GRIN2A: variants seen among roughly 807,000 people sequenced by gnomAD.
The protein encoded by GRIN2A is glutamate receptor ionotropic, NMDA 2A.
GRIN2A carries 22 observed loss-of-function variants against 113.4 expected under a neutral mutation model. The observed-to-expected ratio is 0.19, with a 90% confidence interval of 0.14 to 0.28. The LOEUF (loss-of-function observed/expected upper bound fraction) is 0.28, where lower values mean the gene tolerates loss of function less well. Ranked by LOEUF, GRIN2A falls within the 10% of genes least tolerant of loss-of-function variation. GRIN2A has a pLI of 1.00. For missense variants in GRIN2A, 1,502 were observed against 1,887.0 expected (o/e 0.80, Z 3.78); for synonymous variants, 827 against 738.4 (o/e 1.12, Z -1.94).
intron 11 of GRIN2A, among the ~76,000 whole-genome samples, chr16:9,782,922 G>A (rs1902014641): frequency 2.0e-5 from 3 of 152,110 alleles, no homozygotes; most frequent in Admixed American, 1.3e-4. Flanking sequence ...GTATCATCTG[G>A]TCACAGGCCA....
chr16:10,125,300 T>C (rs1377245084), intron 2 of GRIN2A, among the ~76,000 whole-genome samples: 1 of 152,130 alleles, frequency 6.6e-6, no homozygotes, highest in African/African-American at 2.4e-5. Flanking sequence ...TTCAAACTTT[T>C]TGCATTTATT....
intron 4 of GRIN2A, among the ~76,000 whole-genome samples, chr16:9,876,394 C>T (rs2043366736): frequency 6.6e-6 from 1 of 152,110 alleles, no homozygotes; most frequent in Admixed American, 6.6e-5. Context: ...ACCTGTTTAC[C>T]CCCACATCCG....
At chr16:9,782,088 G>T (rs986670122) in intron 11 of GRIN2A, among the ~76,000 whole-genome samples, 8 of 152,188 alleles carry the variant, frequency 5.3e-5, no homozygotes, top group African/African-American at 1.7e-4. Context: ...TAAAGTAGTA[G>T]ATTGGGGTGA....
chr16:10,039,808 G>GAGAAAGAGA (rs373952509), intron 2 of GRIN2A, among the ~76,000 whole-genome samples: 1 of 63,812 alleles, frequency 1.6e-5, no homozygotes, highest in Non-Finnish European at 2.9e-5. Context: ...GGGAGGGGGG[G>GAGAAAGAGA]GAGAAAGAGA....
At chr16:10,022,330 C>G (rs2046740196) in intron 2 of GRIN2A, among the ~76,000 whole-genome samples, 3 of 151,490 alleles carry the variant, frequency 2.0e-5, no homozygotes, top group Non-Finnish European at 4.4e-5. Context: ...CACACGCACA[C>G]ACGCAAGCAC....
intron 2 of GRIN2A, among the ~76,000 whole-genome samples, chr16:10,104,807 C>T (rs1408867679): frequency 6.6e-6 from 1 of 152,080 alleles, no homozygotes; most frequent in Admixed American, 6.6e-5. Context: ...GGGCCGCAGT[C>T]GACGGCAGGG....
intron 2 of GRIN2A, among the ~76,000 whole-genome samples, chr16:10,103,328 C>T (rs1348514311): frequency 6.6e-6 from 1 of 152,176 alleles, no homozygotes; most frequent in African/African-American, 2.4e-5. Context: ...AGTGGCTCTC[C>T]TTGCACAAGC....
intron 4 of GRIN2A, among the ~76,000 whole-genome samples, chr16:9,873,066 A>C (rs961879291): frequency 1.3e-4 from 20 of 152,064 alleles, no homozygotes; most frequent in African/African-American, 4.8e-4. Context: ...AAAAGAAAGA[A>C]TGAAAGAAAA....
intron 2 of GRIN2A, among the ~76,000 whole-genome samples, chr16:9,963,591 T>C (rs2045487362): frequency 6.6e-6 from 1 of 152,186 alleles, no homozygotes; most frequent in Admixed American, 6.5e-5. Flanking sequence ...ATTGTATATA[T>C]GTGTAAAAAT....
rs184918771 is a variant in GRIN2A, at chr16:10,163,541, T to C, written c.414+16457A>G. On this transcript the variant is annotated intron_variant, in intron 2 of 12. Transcript: ENST00000330684. Reference sequence around the variant, plus strand: ...TGCACTGGTGCAGCAGAACTGGTTATTTAAAGGCTGAAATGCTTCCGTTTT... The same window carrying C: ...TGCACTGGTGCAGCAGAACTGGTTACTTAAAGGCTGAAATGCTTCCGTTTT... 3.6e-3 allele frequency among the ~76,000 whole-genome samples: 549 copies of C among 152,292 alleles called. 5 individuals carry two copies. Among genetic ancestry groups the C allele is most frequent in the African/African-American group, 0.013 (525 of 41,566 alleles).
chr16:9,815,531 G>A (rs1040039268), intron 10 of GRIN2A, among the ~76,000 whole-genome samples: 3 of 151,586 alleles, frequency 2.0e-5, no homozygotes, highest in East Asian at 1.9e-4. Context: ...AAAAGCGCTC[G>A]ATACCACTAA....
intron 2 of GRIN2A, among the ~76,000 whole-genome samples, chr16:10,084,889 G>GAC (rs1236095195): frequency 6.6e-6 from 1 of 152,164 alleles, no homozygotes; most frequent in Non-Finnish European, 1.5e-5. Flanking sequence ...ACAGTCTACT[G>GAC]ACACATAGAT....
intron 2 of GRIN2A, among the ~76,000 whole-genome samples, chr16:9,941,325 G>A (rs1338420322): frequency 1.3e-5 from 2 of 152,168 alleles, no homozygotes; most frequent in Admixed American, 6.5e-5. Context: ...AAAGGTCTGT[G>A]CACAGAGCAA....
At chr16:9,779,930 C>A (rs1901843485) in intron 11 of GRIN2A, among the ~76,000 whole-genome samples, 1 of 152,206 alleles carries the variant, frequency 6.6e-6, no homozygotes, top group African/African-American at 2.4e-5. Context: ...CAGTCCTCTG[C>A]CCCCATTGTA....
In GRIN2A at chr16:9,756,484, A is replaced by G. The variant is rs1900353558; in HGVS notation, c.*6665T>C. 4.4e-6 allele frequency: 1 copy of G among 225,692 alleles called. No individual in the cohort carries two copies. The highest frequency in any genetic ancestry group is 1.8e-4 in the South Asian group (1 of 5,470). The allele number at this position is 225,692 out of a possible 1,614,324, so 14.0% of individuals were successfully genotyped here. A position where few individuals can be genotyped will look rare whatever the true frequency, so the allele number is the denominator to read the frequency against. On this transcript the variant is annotated 3_prime_UTR_variant, in exon 13 of 13. Transcript: ENST00000330684. ...ATATGCCCAGGAACCTCAAAAGAGC[A>G]CACCTCTCTTTCTGACTTCTATTCT...
intron 2 of GRIN2A, among the ~76,000 whole-genome samples, chr16:9,947,966 C>A (rs17670276): frequency 0.1 from 15,720 of 152,124 alleles, 1,097 homozygotes; most frequent in Non-Finnish European, 0.13. Context: ...CAAAACACTA[C>A]AACCCACAAA....
rs180956187 is a variant in GRIN2A, at chr16:10,150,638, G to A, written c.414+29360C>T. On this transcript the variant is annotated intron_variant, in intron 2 of 12. Transcript: ENST00000330684. The stretch of plus-strand genomic sequence containing the variant: ...GCCCACCCTCCCCTACCCACCCAGC[G>A]TCTAGACACTTGCAGTCACCTGCTG... 1.5e-3 allele frequency among the ~76,000 whole-genome samples: 205 copies of A among 140,086 alleles called. 1 individual carries two copies. The highest frequency in any genetic ancestry group is 2.1e-3 in the Admixed American group (30 of 14,244). The allele number at this position is 140,086 out of a possible 152,430, so 91.9% of individuals were successfully genotyped here. A position where few individuals can be genotyped will look rare whatever the true frequency, so the allele number is the denominator to read the frequency against.
At chr16:9,787,067 T>C (rs1902274587) in intron 11 of GRIN2A, among the ~76,000 whole-genome samples, 1 of 152,202 alleles carries the variant, frequency 6.6e-6, no homozygotes, top group Admixed American at 6.5e-5. Flanking sequence ...CCTCCAAATA[T>C]GTTTCTTTGC....
chr16:10,009,576 G>A (rs1433752745), intron 2 of GRIN2A, among the ~76,000 whole-genome samples: 2 of 152,096 alleles, frequency 1.3e-5, no homozygotes, highest in African/African-American at 2.4e-5. Flanking sequence ...AGGGAGACCT[G>A]GACAGGATGG....
Sources: allele counts gnomAD v4.1 joint callset (sites outside exome capture counted in the v4.1 genomes callset), GRCh38; gene constraint gnomAD v4.1.1; transcripts MANE v1.5; gene names NCBI Gene and HGNC (gene_info 2026-07-23, HGNC 2026-07-21).